KCNAB2: variants seen among roughly 807,000 people sequenced by gnomAD.
KCNAB2 encodes potassium voltage-gated channel subfamily A regulatory beta subunit 2, also known as voltage-gated potassium channel subunit beta-2.
In KCNAB2, 29 loss-of-function variants were observed where a neutral mutation model predicts 63.6. The observed-to-expected ratio is 0.46, with a 90% CI of 0.34 to 0.62. KCNAB2 has a LOEUF of 0.62. KCNAB2 is among the 20% of genes least tolerant of loss of function. The probability of loss-of-function intolerance (pLI) is 0.01; values close to 1 mark genes in which losing one functional copy is unlikely to be tolerated. For synonymous variants in KCNAB2, 222 were observed against 224.2 expected, an observed-to-expected ratio of 0.99 and a Z score of 0.09; for missense variants, 359 against 563.9, an observed-to-expected ratio of 0.64 and a Z score of 3.68.
chr1:6,005,432 T>TA (rs1557922588), intron 1 of KCNAB2, among the ~76,000 whole-genome samples: 3 of 111,540 alleles, frequency 2.7e-5, no homozygotes, highest in African/African-American at 1.1e-4. Context: ...TTGTGGGTTG[T>TA]GTGAGCTGAG....
intron 10 of KCNAB2, among the ~76,000 whole-genome samples, chr1:6,092,278 C>G (rs1457694067): frequency 6.6e-6 from 1 of 152,250 alleles, no homozygotes; most frequent in Non-Finnish European, 1.5e-5. Context: ...CCCTGTCCAG[C>G]CTGCTTCTGC....
At position 6,097,374 on chromosome 1, in the gene KCNAB2, C is replaced by A. The variant is rs2311802; in HGVS notation, c.1158+17C>A. The A allele has an allele frequency of 1.9e-6, 3 of 1,550,238 alleles. No homozygotes were observed. Among genetic ancestry groups the A allele is most frequent in the Non-Finnish European group, 2.6e-6 (3 of 1,146,998 alleles). ...GCAATACAGGTAAGAGTGAGAGGCC[C>A]TGCTGGGCAGAGGGCCCATCCCAGC... On this transcript the variant is annotated intron_variant, in intron 15 of 15. Transcript: ENST00000378083.
At chr1:5,996,877 C>T (rs2102530679) in intron 1 of KCNAB2, among the ~76,000 whole-genome samples, 1 of 152,294 alleles carries the variant, frequency 6.6e-6, no homozygotes, top group Non-Finnish European at 1.5e-5. Context: ...CAACCCATTC[C>T]ACGTGGGCCA....
chr1:6,081,766 C>T (rs1664230551), intron 4 of KCNAB2, among the ~76,000 whole-genome samples: 1 of 152,176 alleles, frequency 6.6e-6, no homozygotes, highest in South Asian at 2.1e-4. Context: ...GGGTGTAGGA[C>T]CCACCCTAAC....
intron 5 of KCNAB2, among the ~76,000 whole-genome samples, chr1:6,082,791 C>T (rs942854898): frequency 6.6e-6 from 1 of 152,230 alleles, no homozygotes. Flanking sequence ...ATCATCCACT[C>T]TCCTGCATCG....
rs1663410174 is a variant in KCNAB2, at chr1:6,073,603, C to G, written c.263-130C>G. 2.4e-6 allele frequency: 2 copies of G among 821,506 alleles called. No homozygotes were observed. Among genetic ancestry groups the G allele is most frequent in the Non-Finnish European group, 4.2e-6 (2 of 473,360 alleles). 50.9% of individuals were successfully genotyped at this position (821,506 alleles called of 1,614,324 possible). On this transcript the variant is annotated intron_variant, in intron 3 of 15. Transcript: ENST00000378083. The surrounding 1 kb of genome is among the most constrained non-coding windows in gnomAD (Gnocchi z 5.7). ...GCTGTCCACACACACTAAGGACACC[C>G]TGGCCACAGAGCAGCACAGAGGGAC...
At position 6,035,252 on chromosome 1, in the gene KCNAB2, G is replaced by A. The variant is rs1008344608; in HGVS notation, c.-53+458G>A. Among the ~76,000 whole-genome samples, 2 of 152,136 alleles carry A rather than the reference G, an allele frequency of 1.3e-5. No individual in the cohort carries two copies. The highest frequency in any genetic ancestry group is 2.9e-5 in the Non-Finnish European group (2 of 68,022). On this transcript the variant is annotated intron_variant, in intron 1 of 15. Coordinates refer to the KCNAB2 transcript ENST00000164247. The surrounding 1 kb of genome is among the most constrained non-coding windows in gnomAD (Gnocchi z 5.0). ...GGGGCCAGTGTGTGAGGGGCTCAGC[G>A]GGGGATGTGGCTAGAAAGGTTGTGG...
chr1:6,017,340 T>C (rs1478143482), intron 1 of KCNAB2, among the ~76,000 whole-genome samples: 1 of 152,060 alleles, frequency 6.6e-6, no homozygotes, highest in Non-Finnish European at 1.5e-5. Context: ...AACCTGAGGC[T>C]CAGGCCATCC....
At chr1:6,063,695 G>C (rs2100605328) in intron 2 of KCNAB2, among the ~76,000 whole-genome samples, 1 of 152,336 alleles carries the variant, frequency 6.6e-6, no homozygotes, top group East Asian at 1.9e-4. Context: ...ACAGGCATGA[G>C]CCACCACACT....
rs770104556 is a variant in KCNAB2 at position 6,095,534 on chromosome 1, G to A, written c.858G>A (p.Val286=). 8.7e-6 allele frequency: 14 copies of A among 1,612,356 alleles called. No homozygotes were observed. Among genetic ancestry groups the A allele is most frequent in the Non-Finnish European group, 1.2e-5 (14 of 1,179,588 alleles). The change falls in exon 13 of 16, where the codon GTG becomes GTA. Residue 286 remains valine, a synonymous_variant. Coordinates refer to ENST00000378083, the MANE Select transcript of KCNAB2 (RefSeq NM_001199862.2). ...CCACCTGCTTTTCCTCTTCAGGAGT[G>A]GGCGCCATGACCTGGTCCCCTCTGG... ...QLPELFHKIG[V]GAMTWSPLAC... is the part of the protein sequence containing the mutation.
Position 6,051,529 on chromosome 1 carries a change from G to T in KCNAB2, c.-8G>T. On this transcript the variant is annotated 5_prime_UTR_variant, in exon 2 of 16. Transcript: ENST00000378083. ...TGGACAGTGGCAGCTCCCAAGCCAG[G>T]CGGCACCATGCTGTCCATGACGTAC... The T allele has an allele frequency of 1.3e-6, 2 of 1,510,948 alleles. No individual in the cohort carries two copies. Among genetic ancestry groups the T allele is most frequent in the South Asian group, 2.4e-5 (2 of 81,826 alleles). The allele number at this position is 1,510,948 out of a possible 1,614,324, so 93.6% of individuals were successfully genotyped here.
rs188987675 is a variant in KCNAB2, at chr1:6,028,228, G to A, written c.-52-12289G>A. ...CTGTGTGGGCTCCTGGCTTCTGGGT[G>A]AGAGGGGAAGTGTGTGTTGTGTAAG... On this transcript the variant is annotated intron_variant, in intron 1 of 16. Transcript: ENST00000341524. This position sits in a 1 kb window ranked among gnomAD's most constrained non-coding sequence, Gnocchi z 4.0. Among the ~76,000 whole-genome samples the A allele has an allele frequency of 1.5e-3, 222 of 152,338 alleles. No individual in the cohort carries two copies. Among genetic ancestry groups the A allele is most frequent in the African/African-American group, 5.2e-3 (215 of 41,582 alleles).
upstream of KCNAB2, chr1:6,042,018 T>C: frequency 2.9e-6 from 2 of 700,874 alleles, no homozygotes; most frequent in Non-Finnish European, 5.1e-6. Context: ...CATCACCCTC[T>C]GTGCCTACCC....
chr1:6,015,985 A>C (rs554028322), intron 1 of KCNAB2, among the ~76,000 whole-genome samples: 4 of 152,304 alleles, frequency 2.6e-5, no homozygotes, highest in South Asian at 4.1e-4. Context: ...TACAGGTGTG[A>C]GCCATCACAC....
upstream of KCNAB2, chr1:6,041,729 G>A: frequency 2.0e-6 from 2 of 1,020,976 alleles, no homozygotes; most frequent in Non-Finnish European, 3.1e-6. Flanking sequence ...TGGGACATTG[G>A]TGGTTCTTTC....
chr1:6,062,027 T>C (rs1434574610), intron 2 of KCNAB2, among the ~76,000 whole-genome samples: 1 of 152,090 alleles, frequency 6.6e-6, no homozygotes, highest in Non-Finnish European at 1.5e-5. Context: ...AGAAGTCCAG[T>C]GTCAGCCAAG....
At position 6,096,586 on chromosome 1, in the gene KCNAB2, G is replaced by T. The variant is rs927195733; in HGVS notation, c.949-50G>T. On this transcript the variant is annotated intron_variant, in intron 13 of 15. Transcript: ENST00000378083. This position sits in a 1 kb window ranked among gnomAD's most constrained non-coding sequence, Gnocchi z 5.9. ...TCGGCCCCCTGCACGTGGGGGTCCA[G>T]GTGACCTGCTCTCATCTGTAGCTGT... is the stretch of plus-strand genomic sequence containing the variant. 1.9e-6 allele frequency: 3 copies of T among 1,575,630 alleles called. No individual in the cohort carries two copies. The highest frequency in any genetic ancestry group is 2.6e-6 in the Non-Finnish European group (3 of 1,157,566).
At chr1:6,030,422 G>A (rs931395296), upstream of KCNAB2, among the ~76,000 whole-genome samples, 2 of 152,068 alleles carry the variant, frequency 1.3e-5, no homozygotes, top group African/African-American at 2.4e-5. Flanking sequence ...GCACAGGAGC[G>A]CAAGGCTAGG....
At chr1:6,044,240 T>G (rs958527682), upstream of KCNAB2, among the ~76,000 whole-genome samples, 1 of 151,970 alleles carries the variant, frequency 6.6e-6, no homozygotes, top group Non-Finnish European at 1.5e-5. Flanking sequence ...GGTGAAGGAT[T>G]GGGAGCAATA....
Sources: gnomAD v4.1 joint callset for allele counts (sites outside exome capture counted in the v4.1 genomes callset) on GRCh38, gnomAD v4.1.1 for gene constraint, Gnocchi (gnomAD v3.1) non-coding constraint, MANE v1.5 for transcripts, NCBI Gene and HGNC (gene_info 2026-07-23, HGNC 2026-07-21) for gene names.